MTX2: variants seen among roughly 807,000 people sequenced by gnomAD.
MTX2 encodes metaxin 2.
MTX2 carries 35 observed loss-of-function variants against 42.3 expected under a neutral mutation model. The observed-to-expected ratio is 0.83, with a 90% CI of 0.63 to 1.10. The LOEUF (loss-of-function observed/expected upper bound fraction) is 1.10. Ranked by LOEUF, MTX2 falls within the 50% of genes least tolerant of loss-of-function variation. The pLI, the probability that MTX2 is intolerant of heterozygous loss-of-function variation, is 0.00. For missense variants in MTX2, 307 were observed against 304.1 expected (o/e 1.01, Z -0.07); for synonymous variants, 119 against 100.9 (o/e 1.18, Z -1.08).
intron 3 of MTX2, among the ~76,000 whole-genome samples, chr2:176,300,274 C>T (rs1406556019): frequency 2.0e-5 from 3 of 152,050 alleles, no homozygotes; most frequent in African/African-American, 7.2e-5. Flanking sequence ...CCAAACCAGC[C>T]ATCTAATAAA....
At chr2:176,305,360 A>G (rs1684115029) in intron 3 of MTX2, among the ~76,000 whole-genome samples, 1 of 152,042 alleles carries the variant, frequency 6.6e-6, no homozygotes, top group Non-Finnish European at 1.5e-5. Context: ...GAAAAAGAAT[A>G]TATATATTTT....
At chr2:176,329,987 CATT>C (rs2105445910) in intron 8 of MTX2, among the ~76,000 whole-genome samples, 1 of 151,110 alleles carries the variant, frequency 6.6e-6, no homozygotes, top group East Asian at 1.9e-4. Flanking sequence ...CCACAAGCAT[CATT>C]AAGTTAATTA....
chr2:176,309,119 A>G (rs1277517542), intron 3 of MTX2, among the ~76,000 whole-genome samples: 1 of 152,178 alleles, frequency 6.6e-6, no homozygotes, highest in East Asian at 1.9e-4. Flanking sequence ...TTCAAAGAAC[A>G]TCTTTATTTC....
intron 9 of MTX2, among the ~76,000 whole-genome samples, chr2:176,332,369 A>G (rs952810700): frequency 6.6e-6 from 1 of 151,318 alleles, no homozygotes; most frequent in Non-Finnish European, 1.5e-5. Flanking sequence ...TGTTGAATAG[A>G]GCTGTGGCCT....
At chr2:176,333,271 T>C (rs1684903185) in intron 9 of MTX2, among the ~76,000 whole-genome samples, 2 of 151,578 alleles carry the variant, frequency 1.3e-5, no homozygotes, top group African/African-American at 4.8e-5. Flanking sequence ...GGGTAGAAAG[T>C]TGTGTTTTCT....
intron 9 of MTX2, 149 bp from the exon 10 acceptor site, chr2:176,337,344 T>C (rs1575066292): frequency 1.7e-6 from 1 of 594,138 alleles, no homozygotes. Flanking sequence ...GCTTGGCCTA[T>C]ATTGTTATTT....
intron 3 of MTX2, among the ~76,000 whole-genome samples, chr2:176,303,410 T>C (rs1019951839): frequency 4.6e-5 from 7 of 152,210 alleles, no homozygotes; most frequent in South Asian, 2.1e-4. Flanking sequence ...TTATGAGATA[T>C]AGAGACTTGT....
chr2:176,304,583 A>G (rs891023610), intron 3 of MTX2, among the ~76,000 whole-genome samples: 6 of 151,994 alleles, frequency 3.9e-5, no homozygotes, highest in African/African-American at 1.4e-4. Flanking sequence ...TATTTTATAG[A>G]TAGATTTGTT....
At chr2:176,275,510 AT>A in intron 1 of MTX2, among the ~76,000 whole-genome samples, 1 of 152,158 alleles carries the variant, frequency 6.6e-6, no homozygotes, top group South Asian at 2.1e-4. Context: ...AAGTGCTGAG[AT>A]TACAGGTGTG....
intron 3 of MTX2, among the ~76,000 whole-genome samples, chr2:176,321,615 C>G (rs1455572935): frequency 6.6e-6 from 1 of 152,112 alleles, no homozygotes; most frequent in Non-Finnish European, 1.5e-5. Context: ...CTTCATGGTT[C>G]TGTTTGGCTG....
Position 176,328,319 on chromosome 2 carries a change from G to A in MTX2, c.312G>A (p.Glu104=). The change falls in exon 6 of 10, where the codon GAG becomes GAA. Residue 104 remains glutamate (E), a synonymous_variant. Transcript: ENST00000249442. ...AKGHSLSDGL[E]EVQKAEMKAY... ...GCCATTCTCTTAGTGATGGGCTGGA[G>A]GAAGTCCAAAAAGCAGAAATGAAAG... 1 of 1,589,680 alleles carries A rather than the reference G, an allele frequency of 6.3e-7. No individual in the cohort carries two copies. The highest frequency in any genetic ancestry group is 1.4e-5 in the African/African-American group (1 of 73,628).
intron 3 of MTX2, among the ~76,000 whole-genome samples, chr2:176,322,925 G>A (rs576273025): frequency 5.3e-5 from 8 of 151,938 alleles, no homozygotes; most frequent in African/African-American, 1.9e-4. Flanking sequence ...GGAATATAGG[G>A]TATTACTGGA....
intron 3 of MTX2, among the ~76,000 whole-genome samples, chr2:176,302,058 G>A (rs891799383): frequency 6.6e-6 from 1 of 151,440 alleles, no homozygotes; most frequent in Middle Eastern, 3.2e-3. Flanking sequence ...TTGCACAACA[G>A]AGACTTTCTA....
At chr2:176,301,413 A>G (rs1335431790) in intron 3 of MTX2, among the ~76,000 whole-genome samples, 1 of 152,162 alleles carries the variant, frequency 6.6e-6, no homozygotes, top group Non-Finnish European at 1.5e-5. Context: ...CTCTTAATTC[A>G]TATTAACCCA....
intron 3 of MTX2, among the ~76,000 whole-genome samples, chr2:176,309,739 T>G (rs921157740): frequency 6.7e-6 from 1 of 149,740 alleles, no homozygotes; most frequent in Non-Finnish European, 1.5e-5. Context: ...TTTTTTTTTT[T>G]TGCCTTCCAT....
chr2:176,275,262 G>A (rs1692920431), intron 1 of MTX2, among the ~76,000 whole-genome samples: 1 of 151,124 alleles, frequency 6.6e-6, no homozygotes, highest in Admixed American at 6.6e-5. Context: ...TTTTGAGGTG[G>A]CATTTTACTC....
At chr2:176,280,522 G>A (rs1167652233) in intron 1 of MTX2, among the ~76,000 whole-genome samples, 2 of 152,182 alleles carry the variant, frequency 1.3e-5, no homozygotes, top group Non-Finnish European at 2.9e-5. Flanking sequence ...AATCCACACA[G>A]GGCACATGTT....
chr2:176,285,603 A>G (rs1196200677), intron 1 of MTX2, among the ~76,000 whole-genome samples: 2 of 151,278 alleles, frequency 1.3e-5, no homozygotes, highest in East Asian at 3.9e-4. Flanking sequence ...GACATGTCAT[A>G]TAAATGGAAT....
intron 1 of MTX2, 125 bp from the exon 2 acceptor site, chr2:176,296,735 A>G (rs1575042477): frequency 1.1e-6 from 1 of 882,490 alleles, no homozygotes; most frequent in Non-Finnish European, 1.9e-6. Flanking sequence ...ATTAGTTGCC[A>G]TGTATAAGTC....
Sources: gnomAD v4.1 joint callset for allele counts (sites outside exome capture counted in the v4.1 genomes callset) on GRCh38, gnomAD v4.1.1 for gene constraint, MANE v1.5 for transcripts, NCBI Gene and HGNC (gene_info 2026-07-23, HGNC 2026-07-21) for gene names.